Variants in PDCD2 observed in about 807,000 individuals in gnomAD.
PDCD2 encodes programmed cell death 2.
PDCD2 carries 38 observed loss-of-function variants against 38.1 expected under a neutral mutation model. The observed-to-expected ratio is 1.00, with a 90% confidence interval of 0.77 to 1.31. PDCD2 has a LOEUF of 1.31. Ranked by LOEUF, PDCD2 falls within the 50% of genes most tolerant of loss-of-function variation. The pLI, the probability that PDCD2 is intolerant of heterozygous loss-of-function variation, is 0.00. For synonymous variants in PDCD2, 205 were observed against 168.9 expected, an observed-to-expected ratio of 1.21 and a Z score of -1.66; for missense variants, 473 against 435.7, an observed-to-expected ratio of 1.09 and a Z score of -0.76.
chr6:170,584,602 G>C lies in PDCD2; in HGVS notation c.-21C>G, dbSNP rs760052977. ...GCCATGCGGGGCGCGGGCTGGCGTG[G>C]GGCGCAGCCCACAGCTGGGTCGGAA... On this transcript the variant is annotated 5_prime_UTR_variant, in exon 1 of 6. Coordinates refer to ENST00000541970, the MANE Select transcript of PDCD2 (RefSeq NM_002598.4). The C allele has an allele frequency of 6.5e-6, 8 of 1,237,998 alleles. No homozygotes were observed. The South Asian group carries it at 2.0e-4, about 31-fold the overall frequency. The allele number at this position is 1,237,998 out of a possible 1,614,324, so 76.7% of individuals were successfully genotyped here. A position where few individuals can be genotyped will look rare whatever the true frequency, so the allele number is the denominator to read the frequency against.
Position 170,580,028 on chromosome 6 carries a change from T to C in PDCD2, c.736A>G (p.Thr246Ala), listed in dbSNP as rs1174656150. The C allele has an allele frequency of 6.2e-7, 1 of 1,605,820 alleles. No individual in the cohort carries two copies. The change falls in exon 4 of 6, where the codon ACT becomes GCT. Residue 246 changes from threonine (T) to alanine (A), a missense_variant. Transcript: ENST00000541970. ...TGTTCTGGTTCAAGGGCTATCTGAG[T>C]TTTAAACTTCTGAAAAATTTTATCT... ...REDKIFQKFKTQIALEPEQIL... is the reference protein window; with the variant it reads ...REDKIFQKFKAQIALEPEQIL...
rs773490038 is a variant in PDCD2, at chr6:170,579,999, T to C, written c.762+3A>G. ...CGATGAGGAGCTATGAGCTCCACTTTACCTGTTCTGGTTCAAGGGCTATCT... is the reference window on the plus strand; with the variant it reads ...CGATGAGGAGCTATGAGCTCCACTTCACCTGTTCTGGTTCAAGGGCTATCT... On this transcript the variant is annotated splice_donor_region_variant and intron_variant, in intron 4 of 5. Transcript: ENST00000541970. The C allele has an allele frequency of 3.4e-6, 5 of 1,460,560 alleles. No homozygotes were observed. Among genetic ancestry groups the C allele is most frequent in the East Asian group, 4.5e-5 (2 of 44,196 alleles). The allele number at this position is 1,460,560 out of a possible 1,614,324, so 90.5% of individuals were successfully genotyped here. A position where few individuals can be genotyped will look rare whatever the true frequency, so the allele number is the denominator to read the frequency against.
chr6:170,583,431 A>G (rs1779679168), intron 2 of PDCD2, 74 bp downstream of exon 2: 1 of 1,503,006 alleles, frequency 6.7e-7, no homozygotes, highest in Non-Finnish European at 9.0e-7. Context: ...TTTTACCTTT[A>G]AAGTTGTCCT....
In PDCD2 at chr6:170,577,702, G is replaced by C; in HGVS notation, c.892C>G (p.Leu298Val). Residue 298 changes from leucine to valine, a missense_variant, in exon 6 of 6, where the codon CTA becomes GTA. Physicochemically the swap from Leu to Val is conservative, Grantham distance 32 (BLOSUM62 1). Transcript: ENST00000541970. ...ILEFQVMPQL[L>V]NYLKADRLGK... ...AGTCTGTCAGCCTTCAGGTAGTTTA[G>C]GAGCTGAGGCATGACCTGAGAAGAG... 1 of 1,612,802 alleles carries C rather than the reference G, an allele frequency of 6.2e-7. No individual in the cohort carries two copies. Among genetic ancestry groups the C allele is most frequent in the Non-Finnish European group, 8.5e-7 (1 of 1,180,002 alleles).
chr6:170,578,999 A>G, intron 4 of PDCD2, 29 bp from the exon 5 acceptor site: 1 of 1,339,652 alleles, frequency 7.5e-7, no homozygotes, highest in Non-Finnish European at 1.1e-6. Context: ...ATGTTCAAAT[A>G]ATCAATACCT....
chr6:170,578,614 T>C (rs529226086), intron 5 of PDCD2: 3 of 702,548 alleles, frequency 4.3e-6, no homozygotes, highest in Admixed American at 2.0e-5. Context: ...AGTGTAGATA[T>C]CCTCATTGTC....
rs1779469350 is a variant in PDCD2 at position 170,577,198 on chromosome 6, C to A, written c.*361G>T. 6.1e-6 allele frequency: 1 copy of A among 163,686 alleles called. No individual in the cohort carries two copies. Among genetic ancestry groups the A allele is most frequent in the South Asian group, 1.9e-4 (1 of 5,226 alleles). 10.1% of individuals were successfully genotyped at this position (163,686 alleles called of 1,614,324 possible). On this transcript the variant is annotated 3_prime_UTR_variant, in exon 6 of 6. Transcript: ENST00000541970. Reference sequence around the variant, plus strand: ...AAGTAAAAAGACCATTTTAGTTAGTCCCACCATTCGTTGGTAACCAGTTCA... The same window carrying A: ...AAGTAAAAAGACCATTTTAGTTAGTACCACCATTCGTTGGTAACCAGTTCA...
rs180923611 is a variant in PDCD2, at chr6:170,577,012, T to C, written c.*547A>G. ...AATATTCTGGGCTTCCAGTACATACTAGAGCCTGTGATAATCAGCTAATGA... is the reference window on the plus strand; with the variant it reads ...AATATTCTGGGCTTCCAGTACATACCAGAGCCTGTGATAATCAGCTAATGA... On this transcript the variant is annotated 3_prime_UTR_variant, in exon 6 of 6. Coordinates refer to ENST00000541970, the MANE Select transcript of PDCD2 (RefSeq NM_002598.4). 1 of 152,746 alleles carries C rather than the reference T, an allele frequency of 6.5e-6. No homozygotes were observed. The highest frequency in any genetic ancestry group is 6.5e-5 in the Admixed American group (1 of 15,338). 9.5% of individuals were successfully genotyped at this position (152,746 alleles called of 1,614,324 possible). A position where few individuals can be genotyped will look rare whatever the true frequency, so the allele number is the denominator to read the frequency against.
At chr6:170,584,124 A>C in intron 1 of PDCD2, 175 bp downstream of exon 1, 1 of 666,434 alleles carries the variant, frequency 1.5e-6, no homozygotes, top group Non-Finnish European at 2.2e-6. Context: ...TATGTAGCAA[A>C]AATGAGCACA....
Position 170,584,459 on chromosome 6 carries a change from G to A in PDCD2, c.123C>T (p.Ala41=), listed in dbSNP as rs1779747473. 1.5e-6 allele frequency: 2 copies of A among 1,309,790 alleles called. No homozygotes were observed. The highest frequency in any genetic ancestry group is 3.1e-5 in the East Asian group (1 of 32,340). The allele number at this position is 1,309,790 out of a possible 1,614,324, so 81.1% of individuals were successfully genotyped here. ...CCAGGGCCTGGGGCCCCGGCAGCCC[G>A]GCCGCGCCCAGCCATGCCGGCCGCC... ...VGGRPAWLGA[A]GLPGPQALAC... Residue 41 remains alanine, a synonymous_variant, in exon 1 of 6, where the codon GCC becomes GCT. Coordinates refer to ENST00000541970, the MANE Select transcript of PDCD2 (RefSeq NM_002598.4).
chr6:170,578,322 G>C (rs930946823), intron 5 of PDCD2, among the ~76,000 whole-genome samples: 91 of 152,312 alleles, frequency 6.0e-4, no homozygotes, highest in African/African-American at 2.1e-3. Context: ...ACTTTGGTAA[G>C]GTTAGTGAAT....
intron 3 of PDCD2, among the ~76,000 whole-genome samples, chr6:170,580,724 AAT>A (rs1779571630): frequency 6.6e-6 from 1 of 152,074 alleles, no homozygotes; most frequent in Non-Finnish European, 1.5e-5. Flanking sequence ...CAAAAAAAAA[AAT>A]GTTCATTTCC....
chr6:170,581,286 C>A (rs547435700), intron 3 of PDCD2: 2 of 152,026 alleles, frequency 1.3e-5, no homozygotes, highest in African/African-American at 2.4e-5. Context: ...AGTTATGTAC[C>A]CCTCGAAGGC....
Position 170,577,574 on chromosome 6 carries a change from T to G in PDCD2, c.1020A>C (p.Val340=), listed in dbSNP as rs750109537. ...YTEEFVWKQD[V]TDTP is the part of the protein sequence containing the mutation. Reference sequence around the variant, plus strand: ...TAAGATGCCTTTACGGTGTATCTGTTACATCCTGCTTCCACACAAATTCTT... The same window carrying G: ...TAAGATGCCTTTACGGTGTATCTGTGACATCCTGCTTCCACACAAATTCTT... Residue 340 remains valine, a synonymous_variant, in exon 6 of 6, where the codon GTA becomes GTC. Coordinates refer to ENST00000541970, the MANE Select transcript of PDCD2 (RefSeq NM_002598.4). The G allele has an allele frequency of 1.3e-5, 21 of 1,613,944 alleles. No individual in the cohort carries two copies. The highest frequency in any genetic ancestry group is 1.5e-5 in the Non-Finnish European group (18 of 1,179,960).
intron 3 of PDCD2, chr6:170,581,960 G>T: frequency 1.7e-6 from 1 of 585,222 alleles, no homozygotes; most frequent in Non-Finnish European, 2.7e-6. Context: ...TACTCATACA[G>T]TTCCACAGTC....
At position 170,579,783 on chromosome 6, in the gene PDCD2, C is replaced by G. The variant is rs138452836; in HGVS notation, c.762+219G>C. On this transcript the variant is annotated intron_variant, in intron 4 of 5. Coordinates refer to ENST00000541970, the MANE Select transcript of PDCD2 (RefSeq NM_002598.4). ...GAACCCTGTATGATAAACAGTATAA[C>G]CTTTAGTCTTTTAGTAACTATTAAA... The G allele has an allele frequency of 4.3e-3, 1,854 of 432,006 alleles. 29 individuals are homozygous for G. Among genetic ancestry groups the G allele is most frequent in the African/African-American group, 0.033 (1,659 of 50,782 alleles). 26.8% of individuals were successfully genotyped at this position (432,006 alleles called of 1,614,324 possible).
At chr6:170,584,005 T>C in intron 1 of PDCD2, 1 of 552,874 alleles carries the variant, frequency 1.8e-6, no homozygotes, top group Non-Finnish European at 3.2e-6. Flanking sequence ...AAAAAGCTAC[T>C]GGGATCCATC....
At chr6:170,578,436 T>C (rs1779504450) in intron 5 of PDCD2, 1 of 567,104 alleles carries the variant, frequency 1.8e-6, no homozygotes, top group Non-Finnish European at 3.1e-6. Flanking sequence ...ATCCATTTTT[T>C]CTAACAAATC....
intron 5 of PDCD2, among the ~76,000 whole-genome samples, chr6:170,578,307 C>T (rs542067471): frequency 6.6e-6 from 1 of 152,290 alleles, no homozygotes; most frequent in East Asian, 1.9e-4. Context: ...CCAATATTAG[C>T]TATGACTTTG....
Sources: gnomAD v4.1 joint callset for allele counts (sites outside exome capture counted in the v4.1 genomes callset) on GRCh38, gnomAD v4.1.1 for gene constraint, MANE v1.5 for transcripts, NCBI Gene and HGNC (gene_info 2026-07-23, HGNC 2026-07-21) for gene names.